The following SDK1 variants were observed in gnomAD, a reference collection of about 807,000 sequenced individuals.
SDK1 encodes the protein sidekick cell adhesion molecule 1, also known as protein sidekick-1.
A neutral mutation model predicts 245.5 loss-of-function variants in SDK1; 157 were observed. The ratio of observed to expected loss-of-function variants is 0.64; its 90% CI spans 0.56 to 0.73. SDK1 has a LOEUF of 0.73. SDK1 is among the 30% of genes least tolerant of loss of function. The probability of loss-of-function intolerance (pLI) is 0.00; values close to 1 mark genes in which losing one functional copy is unlikely to be tolerated. For missense variants in SDK1, 3,583 were observed against 3,002.3 expected, an observed-to-expected ratio of 1.19 and a Z score of -4.52; for synonymous variants, 1,647 against 1,278.5, an observed-to-expected ratio of 1.29 and a Z score of -6.15.
At chr7:3,701,441 A>T (rs895050931) in intron 4 of SDK1, among the ~76,000 whole-genome samples, 2 of 152,176 alleles carry the variant, frequency 1.3e-5, no homozygotes, top group Non-Finnish European at 2.9e-5. Context: ...TAGGTACAGA[A>T]AAGATTGTTC....
intron 4 of SDK1, among the ~76,000 whole-genome samples, chr7:3,721,188 TGTG>T (rs1257367447): frequency 6.6e-6 from 1 of 152,128 alleles, no homozygotes; most frequent in African/African-American, 2.4e-5. Context: ...CTCTCTTGGT[TGTG>T]GTGGTAGTTA....
At chr7:4,144,160 G>T (rs908920437) in intron 28 of SDK1, among the ~76,000 whole-genome samples, 9 of 152,036 alleles carry the variant, frequency 5.9e-5, no homozygotes, top group African/African-American at 2.2e-4. Flanking sequence ...GAGGCCGGGG[G>T]AAAGAGCTGG....
chr7:4,094,904 A>T (rs748683300), intron 22 of SDK1, among the ~76,000 whole-genome samples: 1 of 152,228 alleles, frequency 6.6e-6, no homozygotes, highest in African/African-American at 2.4e-5. Flanking sequence ...CTAAAAGGAC[A>T]TCTTAAAGCA....
intron 21 of SDK1, 60 bp from the exon 22 acceptor site, chr7:4,079,403 A>G: frequency 6.3e-7 from 1 of 1,590,910 alleles, no homozygotes; most frequent in East Asian, 2.3e-5. Context: ...CACGTTTGAT[A>G]CCTTTCCTAA....
chr7:3,751,072 T>A (rs2115064345), intron 4 of SDK1, among the ~76,000 whole-genome samples: 1 of 152,302 alleles, frequency 6.6e-6, no homozygotes, highest in East Asian at 1.9e-4. Flanking sequence ...GCAGCCACTG[T>A]CACAAAGGAA....
intron 4 of SDK1, among the ~76,000 whole-genome samples, chr7:3,685,674 G>A (rs963936554): frequency 1.2e-4 from 18 of 152,124 alleles, no homozygotes; most frequent in African/African-American, 4.3e-4. Context: ...AAGTAGAAAA[G>A]GAAAGGAACC....
In SDK1 at chr7:3,397,436, A is replaced by G. The variant is rs1317857729; in HGVS notation, c.298+95552A>G. On this transcript the variant is annotated intron_variant, in intron 1 of 44. Transcript: ENST00000404826. ...ATATTTTAATTTTCGTTTTTGAAGG[A>G]TAGTTTTGCTGGATATATAATTTTT... Among the ~76,000 whole-genome samples, 4 of 151,212 alleles carry G rather than the reference A, an allele frequency of 2.6e-5. No individual in the cohort carries two copies. In the East Asian group the frequency reaches 7.7e-4, roughly 29 times the overall value.
chr7:4,268,061 G>C lies in SDK1; in HGVS notation c.*2677G>C. 7.1e-6 allele frequency: 7 copies of C among 985,454 alleles called. No homozygotes were observed. Among genetic ancestry groups the C allele is most frequent in the Non-Finnish European group, 8.4e-6 (7 of 829,940 alleles). 61.0% of individuals were successfully genotyped at this position (985,454 alleles called of 1,614,324 possible). ...GATTTTAATCTCGGTTTTAAAAAGA[G>C]GACAAACAAAATGTCTCTAAGCCAG... On this transcript the variant is annotated 3_prime_UTR_variant, in exon 45 of 45. Coordinates refer to ENST00000404826, the MANE Select transcript of SDK1 (RefSeq NM_152744.4).
chr7:3,587,500 C>T (rs1780728458), intron 1 of SDK1, among the ~76,000 whole-genome samples: 1 of 152,118 alleles, frequency 6.6e-6, no homozygotes. Flanking sequence ...GCCTAAGAAC[C>T]AGGAGTGCCA....
At chr7:3,850,893 G>C (rs186239439) in intron 5 of SDK1, among the ~76,000 whole-genome samples, 1 of 151,926 alleles carries the variant, frequency 6.6e-6, no homozygotes, top group African/African-American at 2.4e-5. Flanking sequence ...AGAATTAAGA[G>C]ATATACCTAA....
At chr7:3,441,222 T>G (rs1321506002) in intron 1 of SDK1, among the ~76,000 whole-genome samples, 2 of 152,142 alleles carry the variant, frequency 1.3e-5, no homozygotes, top group African/African-American at 2.4e-5. Context: ...ATTTTATGAT[T>G]TATAAATTAA....
rs112316372 is a variant in SDK1, at chr7:4,136,958, G to T, written c.4228+4535G>T. Among the ~76,000 whole-genome samples the T allele has an allele frequency of 1.2e-3, 186 of 152,348 alleles. 3 individuals carry two copies. Among genetic ancestry groups the T allele is most frequent in the African/African-American group, 4.2e-3 (174 of 41,586 alleles). ...AGCGTGGGCGTCCTGGGGCGATTCA[G>T]TGGCTTGCGGGTTCTCTGACCCACT... On this transcript the variant is annotated intron_variant, in intron 28 of 44. Transcript: ENST00000404826.
At chr7:3,458,786 C>G (rs980444960) in intron 1 of SDK1, among the ~76,000 whole-genome samples, 3 of 152,116 alleles carry the variant, frequency 2.0e-5, no homozygotes, top group Non-Finnish European at 4.4e-5. Context: ...AGGACTCTTT[C>G]TACTTGCTCC....
intron 1 of SDK1, among the ~76,000 whole-genome samples, chr7:3,589,837 C>G (rs1780804396): frequency 1.3e-5 from 2 of 152,142 alleles, no homozygotes; most frequent in South Asian, 4.1e-4. Flanking sequence ...CACAGACAAA[C>G]CATATCAGAA....
intron 1 of SDK1, among the ~76,000 whole-genome samples, chr7:3,481,100 G>C (rs1300046742): frequency 2.6e-5 from 4 of 152,128 alleles, no homozygotes; most frequent in Admixed American, 1.3e-4. Flanking sequence ...GGAATTATTT[G>C]AATTATTTTT....
chr7:3,582,337 CAGGT>C (rs1780528943), intron 1 of SDK1, among the ~76,000 whole-genome samples: 1 of 147,788 alleles, frequency 6.8e-6, no homozygotes, highest in African/African-American at 2.6e-5. Flanking sequence ...AGGTCTGTCT[CAGGT>C]AGGTCTCCCT....
At chr7:3,633,341 G>T in intron 2 of SDK1, among the ~76,000 whole-genome samples, 1 of 152,046 alleles carries the variant, frequency 6.6e-6, no homozygotes, top group East Asian at 1.9e-4. Context: ...ACCACCTAGG[G>T]GAAGTATAAA....
intron 22 of SDK1, among the ~76,000 whole-genome samples, chr7:4,086,893 G>A (rs1048695649): frequency 6.6e-6 from 1 of 152,036 alleles, no homozygotes; most frequent in African/African-American, 2.4e-5. Context: ...TATCTTTGGG[G>A]GAGATTCCCA....
chr7:3,726,215 C>T (rs796225173), intron 4 of SDK1, among the ~76,000 whole-genome samples: 11 of 152,310 alleles, frequency 7.2e-5, no homozygotes, highest in African/African-American at 2.6e-4. Flanking sequence ...CTTTACACTG[C>T]TCCAAGTAAA....
Sources: gnomAD v4.1 joint callset for allele counts (sites outside exome capture counted in the v4.1 genomes callset) on GRCh38, gnomAD v4.1.1 for gene constraint, MANE v1.5 for transcripts, NCBI Gene and HGNC (gene_info 2026-07-23, HGNC 2026-07-21) for gene names.